KCNQ1OT1: variants seen among roughly 807,000 people sequenced by gnomAD.
KCNQ1OT1 encodes the protein KCNQ1 antisense RNA 2 (non-protein coding).
At position 2,664,303 on chromosome 11, in the gene KCNQ1OT1, T is replaced by C. The variant is rs546613104; in HGVS notation, n.35692A>G. On this transcript the variant is annotated non_coding_transcript_exon_variant, in exon 1 of 1. Coordinates refer to ENST00000597346, the Ensembl canonical transcript of KCNQ1OT1. This position sits in a 1 kb window ranked among gnomAD's most constrained non-coding sequence, Gnocchi z 5.1. ...AAAGGGGCCACCTTGAGGCATTGTG[T>C]TCTGGTCAGGGAAGACTCAGGGCTG... The C allele has an allele frequency of 2.5e-6, 1 of 399,074 alleles. No homozygotes were observed. Among genetic ancestry groups the C allele is most frequent in the East Asian group, 3.6e-5 (1 of 28,088 alleles). 24.7% of individuals were successfully genotyped at this position (399,074 alleles called of 1,614,324 possible).
At position 2,621,848 on chromosome 11, in the gene KCNQ1OT1, T is replaced by C. The variant is rs947850071; in HGVS notation, n.78147A>G. 5 of 398,278 alleles carry C rather than the reference T, an allele frequency of 1.3e-5. No individual in the cohort carries two copies. Among genetic ancestry groups the C allele is most frequent in the African/African-American group, 6.2e-5 (3 of 48,630 alleles). 24.7% of individuals were successfully genotyped at this position (398,278 alleles called of 1,614,324 possible). ...GAAGTCTTAGTTTTACTGACTTTTTTCCCCTATGGTTTTTCTTTCTAACTT... is the reference window on the plus strand; with the variant it reads ...GAAGTCTTAGTTTTACTGACTTTTTCCCCCTATGGTTTTTCTTTCTAACTT... On this transcript the variant is annotated non_coding_transcript_exon_variant, in exon 1 of 1. Transcript: ENST00000597346. The surrounding 1 kb of genome is among the most constrained non-coding windows in gnomAD (Gnocchi z 5.7).
At chr11:2,694,381 C>T in exon 1 of KCNQ1OT1, 1 of 398,644 alleles carries the variant, frequency 2.5e-6, no homozygotes. Flanking sequence ...GCTATCATGA[C>T]TATGGGAGAA....
exon 1 of KCNQ1OT1, chr11:2,632,161 C>T (rs1031927503): frequency 1.9e-5 from 7 of 369,480 alleles, no homozygotes; most frequent in African/African-American, 2.5e-5. Flanking sequence ...CTAGCCTGGG[C>T]GACAGACCAA....
At chr11:2,614,711 C>G (rs899101006) in exon 1 of KCNQ1OT1, 2 of 398,418 alleles carry the variant, frequency 5.0e-6, no homozygotes, top group Admixed American at 4.4e-5. Flanking sequence ...TCTACATTCT[C>G]TATTATATTC....
chr11:2,634,327 TC>T (rs1554900017), exon 1 of KCNQ1OT1: 13 of 92,928 alleles, frequency 1.4e-4, no homozygotes, highest in African/African-American at 6.7e-4. Flanking sequence ...CCCTCCCCCC[TC>T]CCCCCCCACC....
Position 2,661,601 on chromosome 11 carries a change from C to A in KCNQ1OT1, n.38394G>T, listed in dbSNP as rs1033489138. 1.6e-5 allele frequency: 9 copies of A among 579,140 alleles called. No homozygotes were observed. The highest frequency in any genetic ancestry group is 1.1e-4 in the African/African-American group (6 of 53,634). 35.9% of individuals were successfully genotyped at this position (579,140 alleles called of 1,614,324 possible). On this transcript the variant is annotated non_coding_transcript_exon_variant, in exon 1 of 1. Coordinates refer to ENST00000597346, the Ensembl canonical transcript of KCNQ1OT1. This position sits in a 1 kb window ranked among gnomAD's most constrained non-coding sequence, Gnocchi z 5.9. ...GTGGGAGCTGTTGTCCCTTACCAGG[C>A]CTGTGCCTGTCACCTCTGTTTTATT...
exon 1 of KCNQ1OT1, chr11:2,692,815 TGA>T: frequency 2.5e-6 from 1 of 398,678 alleles, no homozygotes; most frequent in Non-Finnish European, 4.4e-6. Context: ...ATCCCTAACA[TGA>T]GGCAATGATC....
chr11:2,646,164 T>C, exon 1 of KCNQ1OT1: 1 of 398,662 alleles, frequency 2.5e-6, no homozygotes, highest in East Asian at 3.6e-5. Flanking sequence ...TCAGAGGCGA[T>C]CTATATAAAC....
chr11:2,617,406 C>T lies in KCNQ1OT1; in HGVS notation n.82589G>A, dbSNP rs1589983967. 2.5e-6 allele frequency: 1 copy of T among 398,288 alleles called. No individual in the cohort carries two copies. Among genetic ancestry groups the T allele is most frequent in the South Asian group, 1.3e-4 (1 of 7,858 alleles). 24.7% of individuals were successfully genotyped at this position (398,288 alleles called of 1,614,324 possible). A position where few individuals can be genotyped will look rare whatever the true frequency, so the allele number is the denominator to read the frequency against. ...ATCCATGTGGCAAGTGGCAGGATCT[C>T]CTTTTTTAATGCGGAATAATATTCC... On this transcript the variant is annotated non_coding_transcript_exon_variant, in exon 1 of 1. Coordinates refer to ENST00000597346, the Ensembl canonical transcript of KCNQ1OT1. This position sits in a 1 kb window ranked among gnomAD's most constrained non-coding sequence, Gnocchi z 4.6.
In KCNQ1OT1 at chr11:2,678,581, A is replaced by T. The variant is rs1850333998; in HGVS notation, n.21414T>A. 1 of 398,490 alleles carries T rather than the reference A, an allele frequency of 2.5e-6. No individual in the cohort carries two copies. The highest frequency in any genetic ancestry group is 4.4e-5 in the Admixed American group (1 of 22,716). The allele number at this position is 398,490 out of a possible 1,614,324, so 24.7% of individuals were successfully genotyped here. Reference sequence around the variant, plus strand: ...TTTTAATTATGTAACTTTATGATGCACTTATCTGTGTAGCAGGACTCCCCC... The same window carrying T: ...TTTTAATTATGTAACTTTATGATGCTCTTATCTGTGTAGCAGGACTCCCCC... On this transcript the variant is annotated non_coding_transcript_exon_variant, in exon 1 of 1. Transcript: ENST00000597346. This position sits in a 1 kb window ranked among gnomAD's most constrained non-coding sequence, Gnocchi z 4.9.
exon 1 of KCNQ1OT1, chr11:2,646,979 C>G (rs1315926396): frequency 2.5e-6 from 1 of 398,340 alleles, no homozygotes; most frequent in African/African-American, 2.1e-5. Context: ...TACCCTTTTT[C>G]TTTTACTTGC....
chr11:2,641,344 T>G lies in KCNQ1OT1; in HGVS notation n.58651A>C, dbSNP rs577475288. On this transcript the variant is annotated non_coding_transcript_exon_variant, in exon 1 of 1. Coordinates refer to ENST00000597346, the Ensembl canonical transcript of KCNQ1OT1. ...AATTTTTGTCTTTTTAAAATAGCCA[T>G]TCTCACTATGGTTTTGGCTTGCATT... is the stretch of plus-strand genomic sequence containing the variant. 6.3e-5 allele frequency: 25 copies of G among 398,374 alleles called. No homozygotes were observed. The South Asian group carries it at 1.8e-3, about 28-fold the overall frequency. The allele number at this position is 398,374 out of a possible 1,614,324, so 24.7% of individuals were successfully genotyped here. A position where few individuals can be genotyped will look rare whatever the true frequency, so the allele number is the denominator to read the frequency against.
chr11:2,675,898 G>C, exon 1 of KCNQ1OT1: 1 of 398,638 alleles, frequency 2.5e-6, no homozygotes, highest in Non-Finnish European at 4.4e-6. Flanking sequence ...TGTATTCAAG[G>C]GTTGTGCTAC....
Position 2,691,183 on chromosome 11 carries a change from G to T in KCNQ1OT1, n.8812C>A. On this transcript the variant is annotated non_coding_transcript_exon_variant, in exon 1 of 1. Coordinates refer to ENST00000597346, the Ensembl canonical transcript of KCNQ1OT1. This position sits in a 1 kb window ranked among gnomAD's most constrained non-coding sequence, Gnocchi z 6.4. ...CTCACAGCCTTGGGAGGGGTGCTCA[G>T]AGCTCAGCTGTGTTTAAAAATTAGC... 1 of 398,674 alleles carries T rather than the reference G, an allele frequency of 2.5e-6. No individual in the cohort carries two copies. Among genetic ancestry groups the T allele is most frequent in the South Asian group, 1.3e-4 (1 of 7,852 alleles). The allele number at this position is 398,674 out of a possible 1,614,324, so 24.7% of individuals were successfully genotyped here.
At chr11:2,646,167 A>G in exon 1 of KCNQ1OT1, 2 of 398,624 alleles carry the variant, frequency 5.0e-6, no homozygotes, top group Non-Finnish European at 8.8e-6. Context: ...GAGGCGATCT[A>G]TATAAACTGT....
At chr11:2,646,673 G>A (rs1849671009) in exon 1 of KCNQ1OT1, 2 of 398,436 alleles carry the variant, frequency 5.0e-6, no homozygotes, top group Admixed American at 8.8e-5. Context: ...TTCAGGTGCA[G>A]GCCACCACGC....
At position 2,621,498 on chromosome 11, in the gene KCNQ1OT1, G is replaced by A. The variant is rs183075233; in HGVS notation, n.78497C>T. 1.5e-5 allele frequency: 6 copies of A among 398,490 alleles called. No homozygotes were observed. In the East Asian group the frequency reaches 2.1e-4, roughly 14 times the overall value. The allele number at this position is 398,490 out of a possible 1,614,324, so 24.7% of individuals were successfully genotyped here. Reference sequence around the variant, plus strand: ...TATTTTTTCTCCCATTCTATATGTTGTCTGTTTACTCTGTTGATAATTTCT... The same window carrying A: ...TATTTTTTCTCCCATTCTATATGTTATCTGTTTACTCTGTTGATAATTTCT... On this transcript the variant is annotated non_coding_transcript_exon_variant, in exon 1 of 1. Transcript: ENST00000597346. This position sits in a 1 kb window ranked among gnomAD's most constrained non-coding sequence, Gnocchi z 5.7.
chr11:2,671,227 G>GTCTGACCTCAAA lies in KCNQ1OT1; in HGVS notation n.28767_28768insTTTGAGGTCAGA. 2.5e-6 allele frequency: 1 copy of GTCTGACCTCAAA among 398,596 alleles called. No individual in the cohort carries two copies. Among genetic ancestry groups the GTCTGACCTCAAA allele is most frequent in the East Asian group, 3.6e-5 (1 of 28,078 alleles). The allele number at this position is 398,596 out of a possible 1,614,324, so 24.7% of individuals were successfully genotyped here. A position where few individuals can be genotyped will look rare whatever the true frequency, so the allele number is the denominator to read the frequency against. On this transcript the variant is annotated non_coding_transcript_exon_variant, in exon 1 of 1. Transcript: ENST00000597346. This position sits in a 1 kb window ranked among gnomAD's most constrained non-coding sequence, Gnocchi z 4.7. ...GGTAGAGAGACAGAGGTAGACAGGA[G>GTCTGACCTCAAA]TCCAGGTCTGACCTCAAAATCCGAT...
chr11:2,684,784 C>T, exon 1 of KCNQ1OT1: 1 of 398,624 alleles, frequency 2.5e-6, no homozygotes, highest in Non-Finnish European at 4.4e-6. Flanking sequence ...AGCCTTCCCT[C>T]CCCACTGGTC....
Sources: gnomAD v4.1 joint callset for allele counts on GRCh38, gnomAD v4.1.1 for gene constraint, Gnocchi (gnomAD v3.1) non-coding constraint, MANE v1.5 for transcripts, NCBI Gene and HGNC (gene_info 2026-07-23, HGNC 2026-07-21) for gene names.